Variants in CBLN2 observed in about 807,000 individuals in gnomAD.
CBLN2 encodes the protein cerebellin 2 precursor.
CBLN2 carries 7 observed loss-of-function variants against 15.0 expected under a neutral mutation model. The observed-to-expected ratio is 0.47, with a 90% CI of 0.27 to 0.88. The LOEUF is 0.88. Among genes scored for constraint, CBLN2 ranks in the 40% least tolerant of loss-of-function variants. The probability of loss-of-function intolerance (pLI) is 0.14; values close to 1 mark genes in which losing one functional copy is unlikely to be tolerated. For synonymous variants in CBLN2, 149 were observed against 135.2 expected (o/e 1.10, Z -0.71); for missense variants, 242 against 304.5 (o/e 0.79, Z 1.53).
At chr18:72,574,201 C>A (rs140344350) in intron 1 of CBLN2, among the ~76,000 whole-genome samples, 203 of 152,116 alleles carry the variant, frequency 1.3e-3, no homozygotes, top group African/African-American at 4.5e-3. Context: ...ATTAGATATG[C>A]CTTTTGCAAA....
chr18:72,574,754 T>C (rs1452509227), intron 1 of CBLN2, among the ~76,000 whole-genome samples: 1 of 152,174 alleles, frequency 6.6e-6, no homozygotes, highest in South Asian at 2.1e-4. Context: ...CGGTGCTGGG[T>C]GTCTGGGAAG....
chr18:72,560,643 AG>A (rs2069254101), intron 1 of CBLN2, among the ~76,000 whole-genome samples: 1 of 152,244 alleles, frequency 6.6e-6, no homozygotes, highest in South Asian at 2.1e-4. Context: ...GGTCTTTTAT[AG>A]AAAAAGTTCG....
rs143831485 is a variant in CBLN2, at chr18:72,638,369, C to T, written c.-30G>A. The T allele has an allele frequency of 2.8e-3, 1,097 of 398,536 alleles. 13 individuals carry two copies. Among genetic ancestry groups the T allele is most frequent in the African/African-American group, 0.02 (982 of 48,726 alleles). The allele number at this position is 398,536 out of a possible 1,614,324, so 24.7% of individuals were successfully genotyped here. On this transcript the variant is annotated 5_prime_UTR_variant, in exon 1 of 3. Coordinates refer to the CBLN2 transcript ENST00000581073. ...GTACTCACAGAAAATGAAAATATGT[C>T]CCAGCAGATCTGAAGAATGTTGTCC...
intron 1 of CBLN2, among the ~76,000 whole-genome samples, chr18:72,637,874 G>T (rs1225646905): frequency 6.6e-6 from 1 of 152,182 alleles, no homozygotes; most frequent in African/African-American, 2.4e-5. Context: ...AATCAACGGG[G>T]CAAGGAGGCA....
At chr18:72,638,027 G>A (rs1223235132) in intron 1 of CBLN2, among the ~76,000 whole-genome samples, 1 of 152,146 alleles carries the variant, frequency 6.6e-6, no homozygotes, top group Non-Finnish European at 1.5e-5. Context: ...AGCTTGGAGG[G>A]GTTGTGGAAA....
chr18:72,593,817 G>C (rs898448273), intron 1 of CBLN2, among the ~76,000 whole-genome samples: 1 of 152,014 alleles, frequency 6.6e-6, no homozygotes, highest in Admixed American at 6.6e-5. Flanking sequence ...GGATTAATTT[G>C]CATATGTCAT....
intron 1 of CBLN2, among the ~76,000 whole-genome samples, chr18:72,551,064 C>T (rs1039398079): frequency 2.0e-5 from 3 of 151,690 alleles, no homozygotes; most frequent in Non-Finnish European, 2.9e-5. Context: ...AAACAAGTAC[C>T]GTGACATTTT....
intron 1 of CBLN2, among the ~76,000 whole-genome samples, chr18:72,564,834 T>C (rs1215260470): frequency 6.8e-6 from 1 of 148,006 alleles, no homozygotes; most frequent in East Asian, 1.9e-4. Context: ...CCCAAAAAGA[T>C]ACTCTCCAAA....
At position 72,597,717 on chromosome 18, in the gene CBLN2, G is replaced by A. The variant is rs188687816; in HGVS notation, c.15+40608C>T. Among the ~76,000 whole-genome samples, 31 of 152,336 alleles carry A rather than the reference G, an allele frequency of 2.0e-4. No individual in the cohort carries two copies. In the East Asian group the frequency reaches 5.4e-3, roughly 27 times the overall value. On this transcript the variant is annotated intron_variant, in intron 1 of 2. Transcript: ENST00000581073. ...CAGAAACCTTTGGGATCTACCTGGT[G>A]TTCTATTCTACTGAGGCTGAGCTGG... is the stretch of plus-strand genomic sequence containing the variant.
upstream of CBLN2, among the ~76,000 whole-genome samples, chr18:72,547,347 A>G (rs1450448169): frequency 6.6e-6 from 1 of 152,190 alleles, no homozygotes; most frequent in Non-Finnish European, 1.5e-5. Context: ...AGAAGCTCAG[A>G]AGGGCAGGAG....
chr18:72,600,303 A>G (rs1426683034), intron 1 of CBLN2, among the ~76,000 whole-genome samples: 2 of 152,152 alleles, frequency 1.3e-5, no homozygotes. Flanking sequence ...TACAGTGGGA[A>G]AGGAATTTGA....
chr18:72,615,848 A>G (rs1050193689), intron 1 of CBLN2, among the ~76,000 whole-genome samples: 1 of 152,184 alleles, frequency 6.6e-6, no homozygotes, highest in Non-Finnish European at 1.5e-5. Flanking sequence ...GGGACTGAAT[A>G]TTCTATGAAG....
At chr18:72,549,927 G>T (rs911018097) in intron 1 of CBLN2, among the ~76,000 whole-genome samples, 18 of 152,138 alleles carry the variant, frequency 1.2e-4, no homozygotes. Context: ...GAAACCCTCT[G>T]GCTCCTGGGT....
intron 1 of CBLN2, among the ~76,000 whole-genome samples, chr18:72,612,812 A>G (rs2069631326): frequency 6.6e-6 from 1 of 151,990 alleles, no homozygotes; most frequent in Non-Finnish European, 1.5e-5. Context: ...TTTGTATTTT[A>G]TTTCTCCCAG....
At position 72,542,300 on chromosome 18, in the gene CBLN2, G is replaced by A; in HGVS notation, c.-140C>T. On this transcript the variant is annotated 5_prime_UTR_variant, in exon 3 of 5. In the 5' UTR this introduces an upstream ATG that the reference lacks. Transcript: ENST00000269503. Reference sequence around the variant, plus strand: ...GGCTCTGACGTTCAAGGCCAGGGTCGTTCTCAGAAGAAAGGCGCCTGTGAA... The same window carrying A: ...GGCTCTGACGTTCAAGGCCAGGGTCATTCTCAGAAGAAAGGCGCCTGTGAA... 2.4e-6 allele frequency: 1 copy of A among 424,860 alleles called. No individual in the cohort carries two copies. The highest frequency in any genetic ancestry group is 3.5e-6 in the Non-Finnish European group (1 of 282,944). 26.3% of individuals were successfully genotyped at this position (424,860 alleles called of 1,614,324 possible). A position where few individuals can be genotyped will look rare whatever the true frequency, so the allele number is the denominator to read the frequency against.
At chr18:72,569,088 T>C (rs2144903600) in intron 1 of CBLN2, among the ~76,000 whole-genome samples, 1 of 152,336 alleles carries the variant, frequency 6.6e-6, no homozygotes, top group African/African-American at 2.4e-5. Flanking sequence ...AGTTGTTAAA[T>C]ATTTACTCTG....
intron 1 of CBLN2, among the ~76,000 whole-genome samples, chr18:72,594,562 G>A (rs1186150907): frequency 6.6e-6 from 1 of 151,676 alleles, no homozygotes; most frequent in Non-Finnish European, 1.5e-5. Context: ...AGTAGGATTG[G>A]TATTATTTAT....
At chr18:72,578,731 A>G (rs1477682714) in intron 1 of CBLN2, among the ~76,000 whole-genome samples, 1 of 152,180 alleles carries the variant, frequency 6.6e-6, no homozygotes, top group Non-Finnish European at 1.5e-5. Context: ...TTGATTTTTC[A>G]TTCTCGTCTC....
chr18:72,545,641 C>A (rs973448957), upstream of CBLN2, among the ~76,000 whole-genome samples: 1 of 152,132 alleles, frequency 6.6e-6, no homozygotes, highest in Non-Finnish European at 1.5e-5. Flanking sequence ...TCAAAATAAG[C>A]CCCCATCCAT....
Sources: allele counts gnomAD v4.1 joint callset (sites outside exome capture counted in the v4.1 genomes callset), GRCh38; gene constraint gnomAD v4.1.1; transcripts MANE v1.5; gene names NCBI Gene and HGNC (gene_info 2026-07-23, HGNC 2026-07-21).